Variants in PTBP3 observed in about 807,000 individuals in gnomAD.
PTBP3 encodes the protein polypyrimidine tract-binding protein 3.
PTBP3 carries 20 observed loss-of-function variants against 58.7 expected under a neutral mutation model. The observed-to-expected ratio is 0.34, with a 90% CI of 0.24 to 0.50. The LOEUF is 0.50. Among genes scored for constraint, PTBP3 ranks in the 20% least tolerant of loss-of-function variants. PTBP3 has a pLI of 0.98. For synonymous variants in PTBP3, 185 were observed against 219.8 expected, an observed-to-expected ratio of 0.84 and a Z score of 1.40; for missense variants, 509 against 637.2, an observed-to-expected ratio of 0.80 and a Z score of 2.17.
At chr9:112,279,397 T>A (rs546358164) in intron 2 of PTBP3, among the ~76,000 whole-genome samples, 2 of 152,288 alleles carry the variant, frequency 1.3e-5, no homozygotes, top group African/African-American at 2.4e-5. Context: ...AGAGGGTTTT[T>A]AAAAATTCAT....
At position 112,232,135 on chromosome 9, in the gene PTBP3, T is replaced by C. The variant is rs1422461947; in HGVS notation, c.984A>G (p.Gly328=). The change falls in exon 9 of 14, where the codon GGA becomes GGG. Residue 328 remains glycine, a synonymous_variant. Transcript: ENST00000374257. ...GATTTGTGACGAGTAGAACAGAATTTCCTGGTATACCACTAGCCCCAGGAA... is the reference window on the plus strand; with the variant it reads ...GATTTGTGACGAGTAGAACAGAATTCCCTGGTATACCACTAGCCCCAGGAA... ...MAIPGASGIP[G]NSVLLVTNLN... The C allele has an allele frequency of 1.9e-6, 3 of 1,613,104 alleles. No individual in the cohort carries two copies. In the South Asian group the frequency reaches 3.3e-5, roughly 18 times the overall value.
At chr9:112,224,040 C>T in intron 13 of PTBP3, 57 bp from the exon 14 acceptor site, 1 of 1,571,020 alleles carries the variant, frequency 6.4e-7, no homozygotes, top group Non-Finnish European at 8.7e-7. Context: ...CTTCCAAACT[C>T]CTTCCTCCAC....
At chr9:112,236,656 C>G (rs891626841) in intron 7 of PTBP3, among the ~76,000 whole-genome samples, 4 of 152,128 alleles carry the variant, frequency 2.6e-5, no homozygotes, top group African/African-American at 9.7e-5. Flanking sequence ...ACTTGCAATG[C>G]CTTTAGGTGG....
intron 9 of PTBP3, 127 bp downstream of exon 9, chr9:112,231,972 A>AGAAGAGAAG (rs1564391418): frequency 1.5e-4 from 52 of 337,306 alleles, no homozygotes; most frequent in Non-Finnish European, 2.2e-4. Flanking sequence ...GAGAAGAGAG[A>AGAAGAGAAG]AGAGAAGAGA....
rs774289361 is a variant in PTBP3, at chr9:112,303,185, TATG to T, written c.-51-5272_-51-5270del. 2.1e-4 allele frequency among the ~76,000 whole-genome samples: 32 copies of T among 152,340 alleles called. No individual in the cohort carries two copies. In the Middle Eastern group the frequency reaches 0.014, roughly 65 times the overall value. Reference sequence around the variant, plus strand: ...AAATCATACTTATTCTGCATCTTTTTATGATATTATCCTGCTTCAAGCACTATC... The same window carrying T: ...AAATCATACTTATTCTGCATCTTTTTATATTATCCTGCTTCAAGCACTATC... On this transcript the variant is annotated intron_variant, in intron 1 of 13. Transcript: ENST00000374257.
chr9:112,349,714 T>C, the PTBP3 span, among the ~76,000 whole-genome samples: 141,729 of 151,644 alleles, frequency 0.93, 66,307 homozygotes, highest in Admixed American at 0.96. Context: ...CAACAATTAG[T>C]CAGGTGTGGT....
At chr9:112,224,887 G>A (rs1459083464) in intron 12 of PTBP3, among the ~76,000 whole-genome samples, 2 of 152,078 alleles carry the variant, frequency 1.3e-5, no homozygotes, top group Admixed American at 6.6e-5. Flanking sequence ...TGGGGCCTTC[G>A]GTCAACAAAC....
At chr9:112,351,843 T>C in the PTBP3 span, among the ~76,000 whole-genome samples, 1 of 152,166 alleles carries the variant, frequency 6.6e-6, no homozygotes, top group Non-Finnish European at 1.5e-5. Context: ...TTTGGTTTTG[T>C]TTTTTGAGCA....
At chr9:112,279,293 C>T (rs1291608081) in intron 2 of PTBP3, among the ~76,000 whole-genome samples, 1 of 152,108 alleles carries the variant, frequency 6.6e-6, no homozygotes, top group Non-Finnish European at 1.5e-5. Flanking sequence ...AAATACTTTG[C>T]TTGTATAAAT....
the PTBP3 span, among the ~76,000 whole-genome samples, chr9:112,360,455 C>G: frequency 1.3e-5 from 2 of 152,048 alleles, no homozygotes; most frequent in Admixed American, 1.3e-4. Context: ...TAAAGTGTTA[C>G]GATTACAGGC....
intron 1 of PTBP3, among the ~76,000 whole-genome samples, chr9:112,320,314 A>ATATATATATATATAGTTT: frequency 1.3e-5 from 1 of 75,728 alleles, no homozygotes; most frequent in South Asian, 4.8e-4. Context: ...ATATATATAT[A>ATATATATATATATAGTTT]TTTTTTTTTA....
chr9:112,332,874 A>G lies in PTBP3; in HGVS notation c.-52+596T>C, dbSNP rs764582115. On this transcript the variant is annotated intron_variant, in intron 1 of 13. Transcript: ENST00000374257. ...CTAAGTCCAGACCCCTGGTGTCGAG[A>G]AAGCGTTAACGTATCTCACAGCACA... The G allele has an allele frequency of 5.6e-6, 9 of 1,609,366 alleles. No individual in the cohort carries two copies. In the East Asian group the frequency reaches 1.8e-4, roughly 32 times the overall value.
chr9:112,312,496 T>TTTG (rs1829528060), intron 1 of PTBP3, among the ~76,000 whole-genome samples: 6 of 146,862 alleles, frequency 4.1e-5, no homozygotes, highest in South Asian at 4.3e-4. Context: ...TTGTTTTTTT[T>TTTG]TTTTAAAAAA....
intron 1 of PTBP3, among the ~76,000 whole-genome samples, chr9:112,320,997 C>T (rs932885873): frequency 2.6e-5 from 4 of 152,000 alleles, no homozygotes; most frequent in African/African-American, 9.7e-5. Context: ...AAAGCTATAA[C>T]CTAAAAGGAA....
At chr9:112,276,034 T>C in intron 2 of PTBP3, 21 bp from the exon 3 acceptor site, 1 of 1,595,184 alleles carries the variant, frequency 6.3e-7, no homozygotes, top group Non-Finnish European at 8.6e-7. Context: ...TAAGATTCTT[T>C]TTTAAATTAC....
intron 7 of PTBP3, among the ~76,000 whole-genome samples, chr9:112,243,641 G>A (rs1453858753): frequency 2.0e-5 from 3 of 152,138 alleles, no homozygotes; most frequent in African/African-American, 4.8e-5. Flanking sequence ...AAGAATCCAC[G>A]GGCAAATTAC....
the PTBP3 span, among the ~76,000 whole-genome samples, chr9:112,360,828 AC>A: frequency 3.1e-3 from 477 of 152,248 alleles, 3 homozygotes; most frequent in African/African-American, 0.011. Context: ...TAGAATAAAA[AC>A]TTTGTACTGG....
intron 1 of PTBP3, among the ~76,000 whole-genome samples, chr9:112,304,399 C>A (rs1205114962): frequency 6.6e-6 from 1 of 152,158 alleles, no homozygotes; most frequent in Non-Finnish European, 1.5e-5. Context: ...ACCTACTTAT[C>A]CAGTTATCTC....
chr9:112,255,089 G>C (rs563853319), intron 5 of PTBP3, among the ~76,000 whole-genome samples: 1 of 152,246 alleles, frequency 6.6e-6, no homozygotes, highest in East Asian at 1.9e-4. Flanking sequence ...ATCATGCCAG[G>C]TGAAATATGC....
Sources: gnomAD v4.1 joint callset for allele counts (sites outside exome capture counted in the v4.1 genomes callset) on GRCh38, gnomAD v4.1.1 for gene constraint, MANE v1.5 for transcripts, NCBI Gene and HGNC (gene_info 2026-07-23, HGNC 2026-07-21) for gene names.